The following POU6F2 variants were observed in gnomAD, a reference collection of about 807,000 sequenced individuals.
The protein encoded by POU6F2 is POU domain, class 6, transcription factor 2.
In POU6F2, 31 loss-of-function variants were observed where a neutral mutation model predicts 71.3. The observed-to-expected ratio is 0.43, with a 90% CI of 0.33 to 0.59. The LOEUF (loss-of-function observed/expected upper bound fraction) is 0.59. Among genes scored for constraint, POU6F2 ranks in the 20% least tolerant of loss-of-function variants. The probability of loss-of-function intolerance (pLI) is 0.04; values close to 1 mark genes in which losing one functional copy is unlikely to be tolerated. For missense variants in POU6F2, 783 were observed against 856.8 expected (o/e 0.91, Z 1.07); for synonymous variants, 347 against 355.7 (o/e 0.98, Z 0.27).
At chr7:39,404,493 C>G (rs1280280354) in intron 5 of POU6F2, 1 of 152,084 alleles carries the variant, frequency 6.6e-6, no homozygotes, top group Non-Finnish European at 1.5e-5. Flanking sequence ...AATTGTCTAT[C>G]TTTTTCAGAG....
chr7:39,319,763 C>A (rs1785347400), intron 4 of POU6F2, among the ~76,000 whole-genome samples: 1 of 152,190 alleles, frequency 6.6e-6, no homozygotes, highest in Non-Finnish European at 1.5e-5. Context: ...GGGACATAAA[C>A]CAGCTCCATG....
At chr7:39,125,433 C>G (rs1331562450) in intron 2 of POU6F2, among the ~76,000 whole-genome samples, 1 of 152,116 alleles carries the variant, frequency 6.6e-6, no homozygotes, top group East Asian at 1.9e-4. Flanking sequence ...GAGCAATGAC[C>G]AGTACTAATC....
intron 1 of POU6F2, among the ~76,000 whole-genome samples, chr7:38,990,459 T>C (rs894894279): frequency 5.3e-5 from 8 of 152,132 alleles, no homozygotes; most frequent in South Asian, 4.1e-4. Context: ...GTGTTATGAG[T>C]GTAAGGCCAA....
chr7:39,340,104 CA>C (rs1785883302), intron 5 of POU6F2, 89 bp downstream of exon 5: 4 of 1,023,394 alleles, frequency 3.9e-6, no homozygotes, highest in Admixed American at 5.7e-5. Flanking sequence ...AGGGACCACA[CA>C]AAACTTAGCA....
chr7:39,218,460 G>A (rs1197940931), intron 4 of POU6F2, among the ~76,000 whole-genome samples: 8 of 152,130 alleles, frequency 5.3e-5, no homozygotes, highest in East Asian at 3.9e-4. Context: ...CTTCTCTTAC[G>A]TGTGTAATTC....
chr7:39,406,832 C>A, intron 6 of POU6F2, 92 bp downstream of exon 6: 1 of 1,472,314 alleles, frequency 6.8e-7, no homozygotes, highest in Non-Finnish European at 9.4e-7. Context: ...GATATGTAAC[C>A]GCATCTATTC....
At chr7:39,051,298 A>G (rs954202654) in intron 1 of POU6F2, among the ~76,000 whole-genome samples, 1 of 152,138 alleles carries the variant, frequency 6.6e-6, no homozygotes, top group Non-Finnish European at 1.5e-5. Flanking sequence ...AACACAACCC[A>G]TATTCCATTT....
At chr7:39,302,248 G>A (rs1784960744) in intron 4 of POU6F2, among the ~76,000 whole-genome samples, 1 of 152,142 alleles carries the variant, frequency 6.6e-6, no homozygotes, top group Non-Finnish European at 1.5e-5. Flanking sequence ...TCTTAAAAAA[G>A]AGGGTAATGG....
chr7:39,187,735 T>C (rs1793573119), intron 2 of POU6F2, among the ~76,000 whole-genome samples: 1 of 152,184 alleles, frequency 6.6e-6, no homozygotes, highest in Non-Finnish European at 1.5e-5. Flanking sequence ...AACCAGAGCT[T>C]TTGAGAAGAA....
chr7:39,266,691 T>C (rs1278718702), intron 4 of POU6F2, among the ~76,000 whole-genome samples: 1 of 97,334 alleles, frequency 1.0e-5, no homozygotes, highest in African/African-American at 4.0e-5. Context: ...CCACCGCACC[T>C]GGCCTTTTTT....
intron 7 of POU6F2, among the ~76,000 whole-genome samples, chr7:39,445,543 C>T (rs1349907267): frequency 6.6e-6 from 1 of 152,210 alleles, no homozygotes; most frequent in Non-Finnish European, 1.5e-5. Flanking sequence ...TGGATCCACT[C>T]TCCCTCCTCT....
intron 1 of POU6F2, among the ~76,000 whole-genome samples, chr7:39,021,474 T>A (rs1431067317): frequency 6.6e-6 from 1 of 152,040 alleles, no homozygotes; most frequent in African/African-American, 2.4e-5. Flanking sequence ...ATTTGCCATA[T>A]TTTATTGAAA....
intron 2 of POU6F2, among the ~76,000 whole-genome samples, chr7:39,143,560 A>G (rs185248246): frequency 1.3e-5 from 2 of 152,324 alleles, no homozygotes; most frequent in Admixed American, 6.5e-5. Context: ...TGTCTGCTTT[A>G]TAAGCAAGAT....
At chr7:39,258,241 A>T (rs915401399) in intron 4 of POU6F2, among the ~76,000 whole-genome samples, 4 of 152,234 alleles carry the variant, frequency 2.6e-5, no homozygotes, top group African/African-American at 9.6e-5. Flanking sequence ...TTGTCTCCCA[A>T]TATAAAAATA....
chr7:39,173,219 A>T (rs950093230), intron 2 of POU6F2, among the ~76,000 whole-genome samples: 2 of 152,208 alleles, frequency 1.3e-5, no homozygotes, highest in Non-Finnish European at 2.9e-5. Flanking sequence ...GCTACATTTT[A>T]AGGCTCAGTA....
At chr7:39,367,594 T>C (rs1198250831) in intron 5 of POU6F2, among the ~76,000 whole-genome samples, 3 of 152,242 alleles carry the variant, frequency 2.0e-5, no homozygotes, top group Non-Finnish European at 4.4e-5. Flanking sequence ...AAATCTTCTA[T>C]TTGTATCTTG....
chr7:39,207,708 G>T (rs1374015690), intron 4 of POU6F2, 88 bp downstream of exon 4: 16 of 1,267,336 alleles, frequency 1.3e-5, no homozygotes, highest in Non-Finnish European at 1.7e-5. Flanking sequence ...GCCTAGAATG[G>T]TGAATGTGGT....
intron 5 of POU6F2, among the ~76,000 whole-genome samples, chr7:39,363,991 G>A (rs1008178265): frequency 4.4e-4 from 67 of 152,174 alleles, no homozygotes; most frequent in Admixed American, 1.6e-3. Flanking sequence ...AGGTTGGGTC[G>A]AGAGAGGTTT....
At chr7:39,009,431 A>G (rs1789194352) in intron 1 of POU6F2, among the ~76,000 whole-genome samples, 1 of 152,172 alleles carries the variant, frequency 6.6e-6, no homozygotes, top group African/African-American at 2.4e-5. Context: ...GGCTGAGACA[A>G]TGGGGTTTTC....
Sources: allele counts gnomAD v4.1 joint callset (sites outside exome capture counted in the v4.1 genomes callset), GRCh38; gene constraint gnomAD v4.1.1; transcripts MANE v1.5; gene names NCBI Gene and HGNC (gene_info 2026-07-23, HGNC 2026-07-21).